Variants in EDC3 observed in about 807,000 individuals in gnomAD.
EDC3 encodes enhancer of mRNA-decapping protein 3.
A neutral mutation model predicts 41.8 loss-of-function variants in EDC3; 20 were observed. The ratio of observed to expected loss-of-function variants is 0.48; its 90% CI spans 0.34 to 0.70. EDC3 has a LOEUF of 0.70. Ranked by LOEUF, EDC3 falls within the 30% of genes least tolerant of loss-of-function variation. The pLI, the probability that EDC3 is intolerant of heterozygous loss-of-function variation, is 0.01. For synonymous variants in EDC3, 206 were observed against 243.2 expected, an observed-to-expected ratio of 0.85 and a Z score of 1.42; for missense variants, 444 against 636.8, an observed-to-expected ratio of 0.70 and a Z score of 3.26.
At chr15:74,660,806 T>G (rs2062612274) in intron 3 of EDC3, among the ~76,000 whole-genome samples, 1 of 152,226 alleles carries the variant, frequency 6.6e-6, no homozygotes, top group African/African-American at 2.4e-5. Flanking sequence ...CTAAAAACAG[T>G]AGAAATTAAA....
chr15:74,675,279 A>C (rs1387293134), intron 1 of EDC3, 137 bp from the exon 2 acceptor site: 2 of 726,394 alleles, frequency 2.8e-6, no homozygotes, highest in Non-Finnish European at 4.1e-6. Context: ...GAGGTAATAA[A>C]TCTTAAAAAA....
intron 5 of EDC3, chr15:74,636,006 A>T (rs1255330828): frequency 4.5e-6 from 1 of 220,516 alleles, no homozygotes; most frequent in Admixed American, 5.2e-5. Flanking sequence ...CCTCTCCTGC[A>T]CTTGTAAGGC....
chr15:74,646,829 A>G (rs1388834165), intron 4 of EDC3, among the ~76,000 whole-genome samples: 4 of 152,178 alleles, frequency 2.6e-5, no homozygotes. Context: ...AAGCTATAGG[A>G]TAGCATAAGG....
At position 74,690,785 on chromosome 15, in the gene EDC3, C is replaced by A. The variant is rs553531051; in HGVS notation, c.-19+5095G>T. On this transcript the variant is annotated intron_variant, in intron 1 of 6. Coordinates refer to ENST00000315127, the MANE Select transcript of EDC3 (RefSeq NM_025083.5). ...AACATAGCAAGACTGTTTCCACCCC[C>A]ACCCCGCCTCAGAAAAAGAAATCCA... Among the ~76,000 whole-genome samples, 6 of 152,186 alleles carry A rather than the reference C, an allele frequency of 3.9e-5. No individual in the cohort carries two copies. In the South Asian group the frequency reaches 6.2e-4, roughly 16 times the overall value.
At chr15:74,646,565 A>G (rs555540752) in intron 4 of EDC3, among the ~76,000 whole-genome samples, 1 of 152,326 alleles carries the variant, frequency 6.6e-6, no homozygotes, top group South Asian at 2.1e-4. Flanking sequence ...TGTAGTCACA[A>G]TGAATAGAAG....
intron 1 of EDC3, among the ~76,000 whole-genome samples, chr15:74,686,127 C>A (rs1446644807): frequency 6.6e-6 from 1 of 151,554 alleles, no homozygotes; most frequent in Non-Finnish European, 1.5e-5. Flanking sequence ...GAGTTCGAGA[C>A]CAGCCTGACC....
intron 1 of EDC3, among the ~76,000 whole-genome samples, chr15:74,681,740 A>T (rs2062872919): frequency 6.6e-6 from 1 of 152,242 alleles, no homozygotes; most frequent in African/African-American, 2.4e-5. Flanking sequence ...CACACTTTAT[A>T]CAAAAATTTA....
At chr15:74,659,364 G>C (rs984047772) in intron 3 of EDC3, among the ~76,000 whole-genome samples, 1 of 151,536 alleles carries the variant, frequency 6.6e-6, no homozygotes, top group African/African-American at 2.4e-5. Context: ...CGGGAGGCTG[G>C]GGAAAGAATT....
At chr15:74,686,155 T>C (rs1799943115) in intron 1 of EDC3, among the ~76,000 whole-genome samples, 5 of 151,946 alleles carry the variant, frequency 3.3e-5, no homozygotes, top group Admixed American at 3.3e-4. Context: ...TGAAACCCCA[T>C]CTCTACTAAA....
At chr15:74,680,453 C>CT (rs1409957925) in intron 1 of EDC3, among the ~76,000 whole-genome samples, 1 of 151,918 alleles carries the variant, frequency 6.6e-6, no homozygotes, top group Non-Finnish European at 1.5e-5. Flanking sequence ...CCCATTCATT[C>CT]TTTTTTTAAA....
At chr15:74,670,829 G>C (rs1473973836) in intron 3 of EDC3, among the ~76,000 whole-genome samples, 1 of 152,156 alleles carries the variant, frequency 6.6e-6, no homozygotes, top group Non-Finnish European at 1.5e-5. Context: ...TTCTTGGTGT[G>C]TCAGTAGGAA....
chr15:74,667,389 C>T (rs1326122532), intron 3 of EDC3, among the ~76,000 whole-genome samples: 1 of 147,062 alleles, frequency 6.8e-6, no homozygotes, highest in Admixed American at 7.0e-5. Context: ...AAGGGTGACA[C>T]CCAGGAGCAA....
intron 1 of EDC3, among the ~76,000 whole-genome samples, chr15:74,685,395 C>T (rs535665607): frequency 6.6e-6 from 1 of 151,932 alleles, no homozygotes; most frequent in East Asian, 1.9e-4. Flanking sequence ...AGAGTGAGAC[C>T]CTGTCTCAAA....
At chr15:74,633,012 G>A (rs2062230987) in intron 6 of EDC3, 66 bp from the exon 7 acceptor site, 1 of 1,524,230 alleles carries the variant, frequency 6.6e-7, no homozygotes, top group Non-Finnish European at 9.0e-7. Flanking sequence ...CTGGGACTAG[G>A]GCCCAGGTCA....
At chr15:74,654,173 A>C (rs2062515192) in intron 4 of EDC3, among the ~76,000 whole-genome samples, 1 of 151,878 alleles carries the variant, frequency 6.6e-6, no homozygotes, top group Admixed American at 6.6e-5. Context: ...GAATCGCTTG[A>C]ACCCAGGAGG....
chr15:74,648,626 A>G (rs2062444299), intron 4 of EDC3, among the ~76,000 whole-genome samples: 1 of 152,176 alleles, frequency 6.6e-6, no homozygotes, highest in Admixed American at 6.6e-5. Flanking sequence ...CACCTCACTC[A>G]AGCTTAACTG....
rs547617323 is a variant in EDC3, at chr15:74,691,842, A to C, written c.-19+4038T>G. Among the ~76,000 whole-genome samples, 112 of 152,172 alleles carry C rather than the reference A, an allele frequency of 7.4e-4. 1 individual carries two copies. The highest frequency in any genetic ancestry group is 1.0e-3 in the Admixed American group (16 of 15,284). On this transcript the variant is annotated intron_variant, in intron 1 of 6. Transcript: ENST00000315127. Reference sequence around the variant, plus strand: ...GGGTTTTTTTGGGTTTTTTTGAGACAGTCTTGCTCTGTCGTCCAGGCTGGA... The same window carrying C: ...GGGTTTTTTTGGGTTTTTTTGAGACCGTCTTGCTCTGTCGTCCAGGCTGGA...
chr15:74,669,948 A>ATCCT (rs1196668386), intron 3 of EDC3, among the ~76,000 whole-genome samples: 1 of 151,002 alleles, frequency 6.6e-6, no homozygotes, highest in East Asian at 1.9e-4. Flanking sequence ...GGCTCAAGCC[A>ATCCT]TCCTTCCACC....
At chr15:74,666,908 T>C (rs1470476021) in intron 3 of EDC3, among the ~76,000 whole-genome samples, 1 of 152,138 alleles carries the variant, frequency 6.6e-6, no homozygotes, top group Non-Finnish European at 1.5e-5. Context: ...TAAAACAAAT[T>C]AATTGTATTA....
Sources: gnomAD v4.1 joint callset for allele counts (sites outside exome capture counted in the v4.1 genomes callset) on GRCh38, gnomAD v4.1.1 for gene constraint, MANE v1.5 for transcripts, NCBI Gene and HGNC (gene_info 2026-07-23, HGNC 2026-07-21) for gene names.